MECOM: variants seen among roughly 807,000 people sequenced by gnomAD.
MECOM encodes histone-lysine N-methyltransferase MECOM.
Under a neutral mutation model 116.3 loss-of-function variants are expected in MECOM, and 13 were observed. The ratio of observed to expected loss-of-function variants is 0.11; its 90% CI spans 0.07 to 0.18. The LOEUF (loss-of-function observed/expected upper bound fraction) is 0.18, where lower values mean the gene tolerates loss of function less well. Ranked by LOEUF, MECOM falls within the 10% of genes least tolerant of loss-of-function variation. MECOM has a pLI of 1.00. For missense variants in MECOM, 1,299 were observed against 1,509.0 expected (o/e 0.86, Z 2.31); for synonymous variants, 528 against 535.2 (o/e 0.99, Z 0.19).
intron 2 of MECOM, among the ~76,000 whole-genome samples, chr3:169,244,993 G>A (rs16853371): frequency 1.1e-3 from 167 of 152,086 alleles, no homozygotes; most frequent in East Asian, 6.0e-3. Context: ...GCAAAAAAAC[G>A]AAGGCTTTAA....
At chr3:169,134,544 G>A (rs958018000) in intron 3 of MECOM, among the ~76,000 whole-genome samples, 2 of 152,336 alleles carry the variant, frequency 1.3e-5, no homozygotes, top group African/African-American at 4.8e-5. Context: ...AATGAGGGCA[G>A]ATTCTGGGCA....
At chr3:169,146,205 G>GAAA (rs10662632) in intron 2 of MECOM, 1,274 of 957,100 alleles carry the variant, frequency 1.3e-3, no homozygotes, top group East Asian at 5.8e-3. Flanking sequence ...ACAGCAAAAG[G>GAAA]AAAAAAAAAA....
intron 1 of MECOM, among the ~76,000 whole-genome samples, chr3:169,621,280 G>A (rs765313486): frequency 6.6e-6 from 1 of 152,122 alleles, no homozygotes; most frequent in Non-Finnish European, 1.5e-5. Flanking sequence ...TATAGAATGG[G>A]CATATTAATA....
At chr3:169,146,017 C>T (rs1739787919) in intron 2 of MECOM, 1 of 224,536 alleles carries the variant, frequency 4.5e-6, no homozygotes, top group Non-Finnish European at 8.7e-6. Flanking sequence ...AGCAGAACTG[C>T]ATTTGTCTCC....
rs181718045 is a variant in MECOM, at chr3:169,156,590, G to A, written c.376-12758C>T. On this transcript the variant is annotated intron_variant, in intron 2 of 16. Transcript: ENST00000651503. ...GGTTATCAGTAAACTCTAGCCAATC[G>A]ATCCTTTGCCTGTAAACTATTACAA... Among the ~76,000 whole-genome samples the A allele has an allele frequency of 9.9e-5, 15 of 152,196 alleles. No individual in the cohort carries two copies. In the East Asian group the frequency reaches 1.2e-3, roughly 12 times the overall value.
chr3:169,381,137 C>A, intron 2 of MECOM, 50 bp downstream of exon 2: 1 of 1,489,056 alleles, frequency 6.7e-7, no homozygotes, highest in South Asian at 1.3e-5. Context: ...ACAATCTCTT[C>A]TTTACACAGC....
intron 2 of MECOM, among the ~76,000 whole-genome samples, chr3:169,148,090 G>A (rs528294506): frequency 6.6e-6 from 1 of 152,186 alleles, no homozygotes; most frequent in East Asian, 1.9e-4. Context: ...GTCAGAGGAA[G>A]GGCGTGCAAA....
chr3:169,407,788 G>A (rs1350562194), intron 1 of MECOM, among the ~76,000 whole-genome samples: 5 of 152,172 alleles, frequency 3.3e-5, no homozygotes, highest in Admixed American at 1.3e-4. Flanking sequence ...CACTGACAAG[G>A]AATTCAGGCA....
intron 2 of MECOM, among the ~76,000 whole-genome samples, chr3:169,340,782 G>A (rs1724366788): frequency 6.6e-6 from 1 of 152,184 alleles, no homozygotes; most frequent in Admixed American, 6.5e-5. Context: ...CAATGTGACA[G>A]CTCAAGATGA....
At chr3:169,213,979 T>C (rs1751107239) in intron 2 of MECOM, among the ~76,000 whole-genome samples, 1 of 152,102 alleles carries the variant, frequency 6.6e-6, no homozygotes, top group Non-Finnish European at 1.5e-5. Context: ...AGGGGCTACA[T>C]GGATTTTAGT....
At chr3:169,482,328 C>CTTTTTTTTT (rs768771100) in intron 1 of MECOM, among the ~76,000 whole-genome samples, 1 of 108,396 alleles carries the variant, frequency 9.2e-6, no homozygotes, top group Non-Finnish European at 1.8e-5. Context: ...AACCCACGTT[C>CTTTTTTTTT]TTTTTTTTTT....
intron 1 of MECOM, among the ~76,000 whole-genome samples, chr3:169,518,891 T>G (rs1757024981): frequency 6.6e-6 from 1 of 152,192 alleles, no homozygotes; most frequent in Admixed American, 6.5e-5. Flanking sequence ...CTGCCATTCA[T>G]GTAAGACATG....
chr3:169,243,752 C>T (rs1201086481), intron 2 of MECOM, among the ~76,000 whole-genome samples: 2 of 152,112 alleles, frequency 1.3e-5, no homozygotes, highest in Admixed American at 1.3e-4. Context: ...AGGATTACTT[C>T]GAAACATACT....
intron 1 of MECOM, among the ~76,000 whole-genome samples, chr3:169,590,170 T>A (rs1004370129): frequency 6.6e-6 from 1 of 152,212 alleles, no homozygotes; most frequent in African/African-American, 2.4e-5. Flanking sequence ...TAAGTAAGCA[T>A]TAGTTTTTAC....
chr3:169,360,327 AAAAAG>A (rs1279167910), intron 2 of MECOM, among the ~76,000 whole-genome samples: 2 of 148,138 alleles, frequency 1.4e-5, no homozygotes, highest in Admixed American at 6.7e-5. Context: ...ACCAAAAAAA[AAAAAG>A]AAAAAAAAAA....
At chr3:169,181,623 T>C (rs762608214) in intron 2 of MECOM, among the ~76,000 whole-genome samples, 13 of 152,226 alleles carry the variant, frequency 8.5e-5, no homozygotes, top group Non-Finnish European at 1.9e-4. Flanking sequence ...TTCCCAAGGG[T>C]GTAACTTTGT....
At chr3:169,249,180 G>C (rs1206507980) in intron 2 of MECOM, among the ~76,000 whole-genome samples, 3 of 152,106 alleles carry the variant, frequency 2.0e-5, no homozygotes, top group Non-Finnish European at 4.4e-5. Context: ...ATTGTTGAAC[G>C]AGTGGGCGAA....
At chr3:169,344,662 A>G (rs1396668106) in intron 2 of MECOM, among the ~76,000 whole-genome samples, 2 of 152,194 alleles carry the variant, frequency 1.3e-5, no homozygotes. Flanking sequence ...ATCATCTGAA[A>G]CTACTGACTA....
At chr3:169,355,173 G>A (rs553213589) in intron 2 of MECOM, among the ~76,000 whole-genome samples, 20 of 151,954 alleles carry the variant, frequency 1.3e-4, no homozygotes, top group Admixed American at 6.6e-4. Flanking sequence ...GATTAGCAGC[G>A]AAACATATTC....
Sources: gnomAD v4.1 joint callset for allele counts (sites outside exome capture counted in the v4.1 genomes callset) on GRCh38, gnomAD v4.1.1 for gene constraint, MANE v1.5 for transcripts, NCBI Gene and HGNC (gene_info 2026-07-23, HGNC 2026-07-21) for gene names.